The following BPI variants were observed in gnomAD, a reference collection of about 807,000 sequenced individuals.
The protein encoded by BPI is bactericidal permeability increasing protein.
Under a neutral mutation model 57.6 loss-of-function variants are expected in BPI, and 48 were observed. The ratio of observed to expected loss-of-function variants is 0.83; its 90% CI spans 0.66 to 1.06. The LOEUF is 1.06. Ranked by LOEUF, BPI falls within the 50% of genes least tolerant of loss-of-function variation. The pLI is 0.00. For missense variants in BPI, 651 were observed against 609.7 expected (o/e 1.07, Z -0.71); for synonymous variants, 237 against 238.2 (o/e 0.99, Z 0.05).
At chr20:38,306,905 G>A (rs573421821) in intron 1 of BPI, among the ~76,000 whole-genome samples, 124 of 152,210 alleles carry the variant, frequency 8.1e-4, no homozygotes, top group African/African-American at 2.6e-3. Flanking sequence ...CAAAAGGGCC[G>A]GTCATGGTGG....
At chr20:38,323,591 A>G (rs1227824730) in intron 7 of BPI, among the ~76,000 whole-genome samples, 1 of 152,174 alleles carries the variant, frequency 6.6e-6, no homozygotes, top group Non-Finnish European at 1.5e-5. Context: ...TCTGCCACTT[A>G]CCAGCTGTGT....
In BPI at chr20:38,323,887, G is replaced by A; in HGVS notation, c.774G>A (p.Glu258=). ...DVQMKGEFYS[E]NHHNPPPFAP... ...ACCCCCAGGGGGAGTTTTACAGTGAGAACCACCACAATCCACCTCCCTTTG... is the reference window on the plus strand; with the variant it reads ...ACCCCCAGGGGGAGTTTTACAGTGAAAACCACCACAATCCACCTCCCTTTG... The change falls in exon 8 of 15, where the codon GAG becomes GAA. Residue 258 remains glutamate, a synonymous_variant. Coordinates refer to ENST00000642449, the MANE Select transcript of BPI (RefSeq NM_001725.3). The A allele has an allele frequency of 6.2e-7, 1 of 1,614,114 alleles. No homozygotes were observed. Among genetic ancestry groups the A allele is most frequent in the Non-Finnish European group, 8.5e-7 (1 of 1,180,000 alleles).
rs1355288125 is a variant in BPI at position 38,324,800 on chromosome 20, G to A, written c.960G>A (p.Leu320=). Residue 320 remains leucine (L), a synonymous_variant, in exon 9 of 15, where the codon CTG becomes CTA. Transcript: ENST00000642449. The part of the protein sequence containing the change: ...DMIPKESKFR[L]TTKFFGTFLP... ...TTCCAAAGGAGTCCAAATTTCGACT[G>A]ACAACCAAGTTCTTTGGAACCTTCC... is the stretch of plus-strand genomic sequence containing the variant. 2.5e-6 allele frequency: 4 copies of A among 1,613,456 alleles called. No individual in the cohort carries two copies. The highest frequency in any genetic ancestry group is 3.4e-6 in the Non-Finnish European group (4 of 1,179,428).
chr20:38,328,026 G>C (rs2076722492), intron 11 of BPI, among the ~76,000 whole-genome samples: 1 of 152,120 alleles, frequency 6.6e-6, no homozygotes, highest in African/African-American at 2.4e-5. Context: ...GCACGTCCCT[G>C]GCTTTCCTTG....
intron 11 of BPI, among the ~76,000 whole-genome samples, chr20:38,330,185 T>G (rs2076735320): frequency 6.6e-6 from 1 of 152,096 alleles, no homozygotes; most frequent in African/African-American, 2.4e-5. Flanking sequence ...GAGCTGTGAT[T>G]TTGCTGTGTA....
chr20:38,313,326 T>G (rs1429885608), intron 5 of BPI, among the ~76,000 whole-genome samples: 1 of 135,504 alleles, frequency 7.4e-6, no homozygotes, highest in East Asian at 2.3e-4. Context: ...GAGGTTGTGG[T>G]GAGCCAAGAT....
At chr20:38,304,785 G>A (rs2076589378) in intron 1 of BPI, among the ~76,000 whole-genome samples, 1 of 152,224 alleles carries the variant, frequency 6.6e-6, no homozygotes, top group Non-Finnish European at 1.5e-5. Flanking sequence ...TGCAGGGGCT[G>A]GCGGCCATAC....
At chr20:38,315,155 C>T (rs143565501) in intron 5 of BPI, among the ~76,000 whole-genome samples, 310 of 152,172 alleles carry the variant, frequency 2.0e-3, no homozygotes, top group African/African-American at 7.0e-3. Flanking sequence ...AGAGAGATTC[C>T]ATGATTATCC....
intron 10 of BPI, among the ~76,000 whole-genome samples, chr20:38,327,286 A>C (rs1374177704): frequency 1.3e-5 from 2 of 152,214 alleles, no homozygotes; most frequent in Non-Finnish European, 2.9e-5. Flanking sequence ...ATATTTTTTG[A>C]ATGAATTAAT....
chr20:38,306,828 C>T (rs1372853203), intron 1 of BPI, among the ~76,000 whole-genome samples: 2 of 152,062 alleles, frequency 1.3e-5, no homozygotes, highest in Non-Finnish European at 2.9e-5. Context: ...CAAACTACAG[C>T]CCTCCGTTTT....
intron 5 of BPI, chr20:38,317,920 A>G (rs980796902): frequency 1.0e-6 from 1 of 985,326 alleles, no homozygotes; most frequent in East Asian, 1.1e-4. Context: ...GCAGGTAGGG[A>G]ATGGCTTCTC....
At chr20:38,312,600 GTT>G (rs1473130991) in intron 5 of BPI, among the ~76,000 whole-genome samples, 1 of 152,234 alleles carries the variant, frequency 6.6e-6, no homozygotes, top group African/African-American at 2.4e-5. Context: ...GCCACTGAAG[GTT>G]TTATGCAAAT....
In BPI at chr20:38,323,749, T is replaced by C. The variant is rs58186826; in HGVS notation, c.757-121T>C. 8.0e-6 allele frequency: 9 copies of C among 1,119,190 alleles called. No homozygotes were observed. The Admixed American group carries it at 2.1e-4, about 27-fold the overall frequency. The allele number at this position is 1,119,190 out of a possible 1,614,324, so 69.3% of individuals were successfully genotyped here. A position where few individuals can be genotyped will look rare whatever the true frequency, so the allele number is the denominator to read the frequency against. ...TTTTGATGCTACTGTTAGTTTCTGG[T>C]CATTGCTTTTTCCTTTGCAAGTGTA... On this transcript the variant is annotated intron_variant, in intron 7 of 14. Transcript: ENST00000642449.
chr20:38,326,656 A>T (rs1380979623), intron 10 of BPI: 2 of 475,660 alleles, frequency 4.2e-6, no homozygotes, highest in Non-Finnish European at 3.6e-6. Context: ...TCAATTATTC[A>T]TTCAGTCAAT....
chr20:38,335,480 T>C, intron 13 of BPI, 118 bp from the exon 14 acceptor site: 1 of 902,992 alleles, frequency 1.1e-6, no homozygotes, highest in East Asian at 2.4e-5. Context: ...TGCCAGTCCC[T>C]ACCTAGGGCC....
chr20:38,306,034 T>C (rs1007044897), intron 1 of BPI, among the ~76,000 whole-genome samples: 1 of 152,168 alleles, frequency 6.6e-6, no homozygotes, highest in African/African-American at 2.4e-5. Flanking sequence ...TAATAAATCT[T>C]TTTTTGTTTT....
At chr20:38,323,765 TGCAAG>T in intron 7 of BPI, 100 bp from the exon 8 acceptor site, 2 of 1,289,374 alleles carry the variant, frequency 1.6e-6, no homozygotes, top group Admixed American at 2.4e-5. Context: ...CTTTTTCCTT[TGCAAG>T]TGTACAATTG....
intron 11 of BPI, among the ~76,000 whole-genome samples, chr20:38,328,718 C>A (rs1395476347): frequency 6.6e-6 from 1 of 152,012 alleles, no homozygotes; most frequent in African/African-American, 2.4e-5. Flanking sequence ...AAATACAGGG[C>A]CAGGCATGGT....
intron 4 of BPI, 71 bp downstream of exon 4, chr20:38,310,723 C>T (rs1036826391): frequency 7.7e-6 from 12 of 1,549,666 alleles, no homozygotes; most frequent in South Asian, 3.7e-5. Context: ...CCCTGTATTC[C>T]GAAAACACAT....
Sources: allele counts gnomAD v4.1 joint callset (sites outside exome capture counted in the v4.1 genomes callset), GRCh38; gene constraint gnomAD v4.1.1; transcripts MANE v1.5; gene names NCBI Gene and HGNC (gene_info 2026-07-23, HGNC 2026-07-21).